Variants in NDFIP2 observed in about 807,000 individuals in gnomAD.
NDFIP2 encodes NEDD4 family-interacting protein 2.
A neutral mutation model predicts 36.0 loss-of-function variants in NDFIP2; 19 were observed. The ratio of observed to expected loss-of-function variants is 0.53; its 90% CI spans 0.37 to 0.77. NDFIP2 has a LOEUF of 0.77. Among genes scored for constraint, NDFIP2 ranks in the 30% least tolerant of loss-of-function variants. The pLI is 0.00. For synonymous variants in NDFIP2, 181 were observed against 167.7 expected (o/e 1.08, Z -0.61); for missense variants, 446 against 435.8 (o/e 1.02, Z -0.21).
At chr13:79,509,690 T>TATATATAGAGAGAGAG (rs113326163) in intron 1 of NDFIP2, among the ~76,000 whole-genome samples, 17 of 147,920 alleles carry the variant, frequency 1.1e-4, no homozygotes, top group African/African-American at 4.3e-4. Flanking sequence ...TATATATATA[T>TATATATAGAGAGAGAG]AGAGAGAGAG....
chr13:79,508,094 G>T (rs536015473), intron 1 of NDFIP2, among the ~76,000 whole-genome samples: 2 of 152,122 alleles, frequency 1.3e-5, no homozygotes, highest in South Asian at 4.1e-4. Context: ...ATCTGTGATG[G>T]TTAATACAGA....
At chr13:79,500,846 G>T (rs898529584) in intron 1 of NDFIP2, among the ~76,000 whole-genome samples, 18 of 151,914 alleles carry the variant, frequency 1.2e-4, no homozygotes, top group Admixed American at 2.6e-4. Context: ...GTAAGCTTAC[G>T]GTCCATTCAA....
intron 1 of NDFIP2, among the ~76,000 whole-genome samples, chr13:79,495,388 G>A (rs1388565432): frequency 6.6e-6 from 1 of 151,856 alleles, no homozygotes; most frequent in African/African-American, 2.4e-5. Context: ...CTTATGAAAT[G>A]TCCCACTTTA....
chr13:79,537,570 G>A (rs1875290234), intron 3 of NDFIP2, among the ~76,000 whole-genome samples: 1 of 152,158 alleles, frequency 6.6e-6, no homozygotes, highest in South Asian at 2.1e-4. Flanking sequence ...ATTAAATTTA[G>A]TATATTGAGT....
intron 3 of NDFIP2, among the ~76,000 whole-genome samples, chr13:79,536,567 A>G (rs1297719151): frequency 6.6e-6 from 1 of 152,208 alleles, no homozygotes; most frequent in African/African-American, 2.4e-5. Context: ...ATTATTGCCT[A>G]GATACCATTT....
intron 1 of NDFIP2, among the ~76,000 whole-genome samples, chr13:79,506,448 G>GT (rs1326680777): frequency 6.6e-6 from 1 of 151,930 alleles, no homozygotes; most frequent in Non-Finnish European, 1.5e-5. Flanking sequence ...CGGTGAGTTT[G>GT]TTTAACTCTT....
Position 79,533,393 on chromosome 13 carries a change from C to T in NDFIP2, c.558C>T (p.Tyr186=), listed in dbSNP as rs1261031589. ...PYSVATSLPT[Y]DEAEKAKAAA... is the part of the protein sequence containing the mutation. ...GCGTTGCTACCTCTCTTCCTACATACGATGAAGCTGAGAAGGCTAAAGCTG... is the reference window on the plus strand; with the variant it reads ...GCGTTGCTACCTCTCTTCCTACATATGATGAAGCTGAGAAGGCTAAAGCTG... Residue 186 remains tyrosine, a synonymous_variant, in exon 3 of 8, where the codon TAC becomes TAT. Transcript: ENST00000218652. 8 of 1,611,932 alleles carry T rather than the reference C, an allele frequency of 5.0e-6. No individual in the cohort carries two copies. The Admixed American group carries it at 6.7e-5, about 13-fold the overall frequency.
rs1876005503 is a variant in NDFIP2, at chr13:79,553,938, A to C, written c.*1425A>C. On this transcript the variant is annotated 3_prime_UTR_variant, in exon 8 of 8. Coordinates refer to ENST00000218652, the MANE Select transcript of NDFIP2 (RefSeq NM_019080.3). ...ACCTTATAAAATTGATTTCTTATTT[A>C]TTATTAGACATTACTACTAAAAGGT... 6.6e-6 allele frequency: 1 copy of C among 151,772 alleles called. No homozygotes were observed. Among genetic ancestry groups the C allele is most frequent in the Non-Finnish European group, 1.5e-5 (1 of 67,570 alleles). 9.4% of individuals were successfully genotyped at this position (151,772 alleles called of 1,614,324 possible). A position where few individuals can be genotyped will look rare whatever the true frequency, so the allele number is the denominator to read the frequency against.
At chr13:79,482,664 A>G (rs1360451813) in intron 1 of NDFIP2, among the ~76,000 whole-genome samples, 1 of 152,222 alleles carries the variant, frequency 6.6e-6, no homozygotes, top group South Asian at 2.1e-4. Context: ...TAATAAGTAC[A>G]TTTTGGCAAA....
intron 1 of NDFIP2, among the ~76,000 whole-genome samples, chr13:79,497,790 T>TGG (rs60067085): frequency 4.0e-3 from 575 of 143,452 alleles, no homozygotes; most frequent in Non-Finnish European, 4.9e-3. Context: ...CCTTTATCTG[T>TGG]GGGGGGTGTG....
intron 2 of NDFIP2, among the ~76,000 whole-genome samples, chr13:79,521,813 T>C (rs1594851702): frequency 6.6e-6 from 1 of 151,416 alleles, no homozygotes; most frequent in African/African-American, 2.4e-5. Context: ...TTTATTTGGT[T>C]TTCGTTTTGC....
chr13:79,548,600 G>C (rs1875779127), intron 6 of NDFIP2, among the ~76,000 whole-genome samples: 1 of 152,048 alleles, frequency 6.6e-6, no homozygotes, highest in South Asian at 2.1e-4. Flanking sequence ...AGTGTAAAGA[G>C]TCAGTGGCGG....
intron 2 of NDFIP2, among the ~76,000 whole-genome samples, chr13:79,522,023 T>C (rs1874605601): frequency 6.6e-6 from 1 of 151,960 alleles, no homozygotes; most frequent in Non-Finnish European, 1.5e-5. Flanking sequence ...AGAGACAGGG[T>C]TTCACCATGT....
In NDFIP2 at chr13:79,555,187, A is replaced by C. The variant is rs372106051; in HGVS notation, c.*2674A>C. The C allele has an allele frequency of 1.4e-4, 21 of 150,474 alleles. No individual in the cohort carries two copies. Among genetic ancestry groups the C allele is most frequent in the East Asian group, 9.7e-4 (5 of 5,156 alleles). The allele number at this position is 150,474 out of a possible 1,614,324, so 9.3% of individuals were successfully genotyped here. On this transcript the variant is annotated 3_prime_UTR_variant, in exon 8 of 8. Transcript: ENST00000218652. The stretch of plus-strand genomic sequence containing the variant: ...TCTCCTAACAGGAAAAGTGGAGTTC[A>C]AAATATCCAATTGGAGAAAAATTCA...
intron 3 of NDFIP2, among the ~76,000 whole-genome samples, chr13:79,534,173 C>G (rs544119044): frequency 3.9e-5 from 6 of 152,022 alleles, no homozygotes; most frequent in Non-Finnish European, 7.4e-5. Context: ...TGTCCATGTA[C>G]TTATTTATCT....
intron 1 of NDFIP2, among the ~76,000 whole-genome samples, chr13:79,489,098 T>A (rs1594838885): frequency 6.6e-6 from 1 of 152,312 alleles, no homozygotes; most frequent in African/African-American, 2.4e-5. Flanking sequence ...AACAAACATC[T>A]CTAAATACAA....
At chr13:79,543,463 G>A in intron 4 of NDFIP2, 95 bp from the exon 5 acceptor site, 1 of 1,459,992 alleles carries the variant, frequency 6.8e-7, no homozygotes, top group Non-Finnish European at 9.4e-7. Context: ...AAAGGGAGCT[G>A]CTGTTTCCAT....
At chr13:79,550,201 T>G (rs1875851142) in intron 6 of NDFIP2, among the ~76,000 whole-genome samples, 1 of 151,854 alleles carries the variant, frequency 6.6e-6, no homozygotes, top group Admixed American at 6.6e-5. Flanking sequence ...TTCAAAGGCT[T>G]ATACTAGTAA....
rs924052699 is a variant in NDFIP2 at position 79,507,464 on chromosome 13, C to T, written c.322-13346C>T. On this transcript the variant is annotated intron_variant, in intron 1 of 7. Coordinates refer to ENST00000218652, the MANE Select transcript of NDFIP2 (RefSeq NM_019080.3). ...AATTTTTTTGTATTTTTAGTAGAGA[C>T]GGGGTTTCACCGTTTTAGCCGGGAT... is the stretch of plus-strand genomic sequence containing the variant. Among the ~76,000 whole-genome samples, 5 of 38,844 alleles carry T rather than the reference C, an allele frequency of 1.3e-4. 2 individuals are homozygous for T. The highest frequency in any genetic ancestry group is 2.0e-4 in the Non-Finnish European group (5 of 24,632). The allele number at this position is 38,844 out of a possible 152,430, so 25.5% of individuals were successfully genotyped here. A position where few individuals can be genotyped will look rare whatever the true frequency, so the allele number is the denominator to read the frequency against.
Sources: allele counts gnomAD v4.1 joint callset (sites outside exome capture counted in the v4.1 genomes callset), GRCh38; gene constraint gnomAD v4.1.1; transcripts MANE v1.5; gene names NCBI Gene and HGNC (gene_info 2026-07-23, HGNC 2026-07-21).